The following UBTD1 variants were observed in gnomAD, a reference collection of about 807,000 sequenced individuals.
The protein encoded by UBTD1 is ubiquitin domain containing 1, also known as ubiquitin domain-containing protein 1.
A neutral mutation model predicts 21.7 loss-of-function variants in UBTD1; 19 were observed. That is an observed-to-expected ratio of 0.87 (90% CI 0.61 to 1.28). The LOEUF (loss-of-function observed/expected upper bound fraction) is 1.28, where lower values mean the gene tolerates loss of function less well. UBTD1 is among the 50% of genes most tolerant of loss of function. The pLI, the probability that UBTD1 is intolerant of heterozygous loss-of-function variation, is 0.00. For synonymous variants in UBTD1, 116 were observed against 135.1 expected (o/e 0.86, Z 0.98); for missense variants, 282 against 315.1 (o/e 0.89, Z 0.80).
chr10:97,547,550 T>C (rs2040616935), intron 1 of UBTD1, among the ~76,000 whole-genome samples: 2 of 152,104 alleles, frequency 1.3e-5, no homozygotes, highest in South Asian at 4.1e-4. Flanking sequence ...GACATCCCTA[T>C]GGCAGGAGTT....
chr10:97,538,185 T>C (rs1052806596), intron 1 of UBTD1, among the ~76,000 whole-genome samples: 2 of 152,044 alleles, frequency 1.3e-5, no homozygotes, highest in Non-Finnish European at 2.9e-5. Context: ...CTTGTTTTGC[T>C]TTGTTTTTAA....
intron 1 of UBTD1, among the ~76,000 whole-genome samples, chr10:97,513,873 A>G (rs941409547): frequency 6.6e-6 from 1 of 151,928 alleles, no homozygotes; most frequent in African/African-American, 2.4e-5. Context: ...TACCACACCC[A>G]GCTAATTTCT....
chr10:97,502,875 G>GTA (rs1216084709), intron 1 of UBTD1, among the ~76,000 whole-genome samples: 17 of 138,760 alleles, frequency 1.2e-4, no homozygotes, highest in South Asian at 4.6e-4. Context: ...ACGTATATAT[G>GTA]TATATATATA....
At chr10:97,544,534 A>G (rs2040600221) in intron 1 of UBTD1, among the ~76,000 whole-genome samples, 1 of 152,222 alleles carries the variant, frequency 6.6e-6, no homozygotes, top group South Asian at 2.1e-4. Context: ...TTGAAAATCC[A>G]TGTCAAACTT....
chr10:97,522,635 C>A (rs1416391803), intron 1 of UBTD1, among the ~76,000 whole-genome samples: 4 of 152,224 alleles, frequency 2.6e-5, no homozygotes, highest in African/African-American at 7.2e-5. Flanking sequence ...CACATTCTGC[C>A]TCCTTTCTGA....
At position 97,570,718 on chromosome 10, in the gene UBTD1, C is replaced by A; in HGVS notation, c.*195C>A. On this transcript the variant is annotated 3_prime_UTR_variant, in exon 3 of 3. Coordinates refer to ENST00000370664, the MANE Select transcript of UBTD1 (RefSeq NM_024954.5). The surrounding 1 kb of genome is among the most constrained non-coding windows in gnomAD (Gnocchi z 6.6). The stretch of plus-strand genomic sequence containing the variant: ...TACCCAGGGAGCAGGCAGCCACACA[C>A]GGGCCTTGCAACCTTGTCAGAGAAA... The A allele has an allele frequency of 1.5e-6, 1 of 647,986 alleles. No homozygotes were observed. The highest frequency in any genetic ancestry group is 2.6e-6 in the Non-Finnish European group (1 of 388,740). 40.1% of individuals were successfully genotyped at this position (647,986 alleles called of 1,614,324 possible).
At chr10:97,531,773 T>G (rs923491307) in intron 1 of UBTD1, among the ~76,000 whole-genome samples, 6 of 152,136 alleles carry the variant, frequency 3.9e-5, no homozygotes, top group African/African-American at 1.4e-4. Context: ...CCTTGGAAAC[T>G]GTGATAAACA....
At chr10:97,501,753 T>C (rs1025367104) in intron 1 of UBTD1, among the ~76,000 whole-genome samples, 2 of 152,230 alleles carry the variant, frequency 1.3e-5, no homozygotes, top group African/African-American at 4.8e-5. Flanking sequence ...CACCAGTGTT[T>C]GCTCGTGCCA....
intron 1 of UBTD1, among the ~76,000 whole-genome samples, chr10:97,549,786 G>A (rs1564742630): frequency 6.6e-6 from 1 of 152,254 alleles, no homozygotes. Flanking sequence ...GAGCATGGGA[G>A]GCCCCAGCTG....
chr10:97,537,195 G>GAAT (rs1284785265), intron 1 of UBTD1, among the ~76,000 whole-genome samples: 1 of 152,124 alleles, frequency 6.6e-6, no homozygotes, highest in Non-Finnish European at 1.5e-5. Flanking sequence ...GGGTACGCAG[G>GAAT]AATTGTGTGT....
intron 1 of UBTD1, among the ~76,000 whole-genome samples, chr10:97,534,988 A>AC (rs2040553237): frequency 6.6e-6 from 1 of 151,992 alleles, no homozygotes; most frequent in Non-Finnish European, 1.5e-5. Flanking sequence ...TCTCCCTGCC[A>AC]CCCCCTTGAG....
At chr10:97,553,394 G>C (rs2040649596) in intron 1 of UBTD1, among the ~76,000 whole-genome samples, 1 of 152,234 alleles carries the variant, frequency 6.6e-6, no homozygotes, top group Non-Finnish European at 1.5e-5. Context: ...GCCTCCAAAA[G>C]TGCTGGGATT....
intron 1 of UBTD1, among the ~76,000 whole-genome samples, chr10:97,564,745 G>A (rs2040709636): frequency 6.6e-6 from 1 of 152,112 alleles, no homozygotes; most frequent in South Asian, 2.1e-4. Context: ...TGTATTTTTA[G>A]TAGAGATGGG....
chr10:97,530,405 T>C (rs1589873991), intron 1 of UBTD1, among the ~76,000 whole-genome samples: 1 of 152,188 alleles, frequency 6.6e-6, no homozygotes, highest in South Asian at 2.1e-4. Flanking sequence ...GCCACTGCAC[T>C]CCAGCCTGGG....
chr10:97,513,209 C>G (rs1413299317), intron 1 of UBTD1, among the ~76,000 whole-genome samples: 1 of 152,206 alleles, frequency 6.6e-6, no homozygotes, highest in East Asian at 1.9e-4. Context: ...CACCCTGCCT[C>G]ATTCCTGCAA....
In UBTD1 at chr10:97,499,061, C is replaced by G. The variant is rs2040287373; in HGVS notation, c.-143C>G. The stretch of plus-strand genomic sequence containing the variant: ...CCGCAAAGTTTTGGCGGAGCCATCG[C>G]TGGGGCTGAGCGCGCCCCCGGGGGG... On this transcript the variant is annotated 5_prime_UTR_variant, in exon 1 of 3. Transcript: ENST00000370664. The G allele has an allele frequency of 4.3e-6, 4 of 930,760 alleles. No homozygotes were observed. The South Asian group carries it at 7.3e-5, about 17-fold the overall frequency. 57.7% of individuals were successfully genotyped at this position (930,760 alleles called of 1,614,324 possible). A position where few individuals can be genotyped will look rare whatever the true frequency, so the allele number is the denominator to read the frequency against.
intron 1 of UBTD1, among the ~76,000 whole-genome samples, chr10:97,537,820 CTTTTTTT>C (rs57859135): frequency 1.3e-4 from 15 of 119,494 alleles, no homozygotes; most frequent in Middle Eastern, 4.6e-3. Context: ...CAGGCTTTCT[CTTTTTTT>C]TTTTTTTTTT....
intron 1 of UBTD1, 47 bp from the exon 2 acceptor site, chr10:97,567,867 C>T (rs1186890216): frequency 1.3e-6 from 2 of 1,597,704 alleles, no homozygotes; most frequent in Non-Finnish European, 1.7e-6. Flanking sequence ...CAGGTTGCAG[C>T]TCAAGTGGCT....
intron 1 of UBTD1, among the ~76,000 whole-genome samples, chr10:97,527,435 T>C (rs891087403): frequency 6.6e-6 from 1 of 150,826 alleles, no homozygotes; most frequent in African/African-American, 2.4e-5. Flanking sequence ...CTCACTGATC[T>C]GCCCTTCTTT....
Sources: gnomAD v4.1 joint callset for allele counts (sites outside exome capture counted in the v4.1 genomes callset) on GRCh38, gnomAD v4.1.1 for gene constraint, Gnocchi (gnomAD v3.1) non-coding constraint, MANE v1.5 for transcripts, NCBI Gene and HGNC (gene_info 2026-07-23, HGNC 2026-07-21) for gene names.